PPFIBP2: variants seen among roughly 807,000 people sequenced by gnomAD.
The protein encoded by PPFIBP2 is liprin-beta-2.
A neutral mutation model predicts 118.3 loss-of-function variants in PPFIBP2; 118 were observed. The observed-to-expected ratio is 1.00, with a 90% CI of 0.86 to 1.16. The LOEUF is 1.16. PPFIBP2 is among the 50% of genes most tolerant of loss of function. PPFIBP2 has a pLI of 0.00. For synonymous variants in PPFIBP2, 414 were observed against 397.4 expected (o/e 1.04, Z -0.50); for missense variants, 1,195 against 1,073.1 (o/e 1.11, Z -1.59).
chr11:7,560,941 G>A (rs1286812634), intron 2 of PPFIBP2, among the ~76,000 whole-genome samples: 1 of 152,114 alleles, frequency 6.6e-6, no homozygotes, highest in African/African-American at 2.4e-5. Context: ...TTCCAGAACT[G>A]CCCATATAAG....
At chr11:7,554,157 C>G (rs976554101) in intron 2 of PPFIBP2, among the ~76,000 whole-genome samples, 1 of 152,206 alleles carries the variant, frequency 6.6e-6, no homozygotes, top group Non-Finnish European at 1.5e-5. Context: ...GCCACCACCA[C>G]TGCCAAAACA....
downstream of PPFIBP2, among the ~76,000 whole-genome samples, chr11:7,660,531 C>T (rs949935999): frequency 2.7e-5 from 4 of 149,688 alleles, no homozygotes; most frequent in Admixed American, 2.7e-4. Context: ...TTTTGATGTG[C>T]TGCTGGATTC....
At chr11:7,588,850 C>T (rs983050901) in intron 3 of PPFIBP2, among the ~76,000 whole-genome samples, 15 of 152,130 alleles carry the variant, frequency 9.9e-5, no homozygotes, top group African/African-American at 2.4e-4. Flanking sequence ...GATTCAGTTC[C>T]GTGATATAGG....
chr11:7,535,235 G>T (rs1006274001), intron 1 of PPFIBP2, among the ~76,000 whole-genome samples: 2 of 152,224 alleles, frequency 1.3e-5, no homozygotes, highest in South Asian at 4.1e-4. Flanking sequence ...CAACAGGCAG[G>T]GGTGGGGATG....
intron 3 of PPFIBP2, among the ~76,000 whole-genome samples, chr11:7,591,989 G>A (rs2135227132): frequency 6.6e-6 from 1 of 152,284 alleles, no homozygotes; most frequent in East Asian, 1.9e-4. Context: ...AATGGCCTAG[G>A]ACAAGGTGGC....
rs1860578473 is a variant in PPFIBP2 at position 7,597,556 on chromosome 11, A to T, written c.373-4A>T. On this transcript the variant is annotated splice_region_variant and splice_polypyrimidine_tract_variant and intron_variant, in intron 4 of 23. Transcript: ENST00000299492. ...CTCCACCATTGCTTTATTTCCTGGAACAGGTGAGTGTCCTCACAGACCAAG... is the reference window on the plus strand; with the variant it reads ...CTCCACCATTGCTTTATTTCCTGGATCAGGTGAGTGTCCTCACAGACCAAG... The T allele has an allele frequency of 6.2e-7, 1 of 1,612,290 alleles. No individual in the cohort carries two copies. The highest frequency in any genetic ancestry group is 8.5e-7 in the Non-Finnish European group (1 of 1,178,888).
the PPFIBP2 span, chr11:7,665,736 A>G: frequency 1.6e-6 from 2 of 1,241,250 alleles, no homozygotes; most frequent in South Asian, 1.5e-5. Flanking sequence ...CAATCACCCC[A>G]GGTCCCAGGC....
chr11:7,665,980 C>T, the PPFIBP2 span: 18 of 1,433,694 alleles, frequency 1.3e-5, no homozygotes, highest in South Asian at 9.8e-5. Flanking sequence ...GTGTGAGAGG[C>T]GCGCCTGTGG....
chr11:7,650,742 G>T, intron 21 of PPFIBP2, 98 bp from the exon 22 acceptor site: 2 of 1,333,490 alleles, frequency 1.5e-6, no homozygotes, highest in East Asian at 4.9e-5. Flanking sequence ...TTGTTGTGAT[G>T]CGTCTGGGGC....
intron 5 of PPFIBP2, among the ~76,000 whole-genome samples, chr11:7,600,266 G>T (rs1198822181): frequency 6.6e-6 from 1 of 152,202 alleles, no homozygotes; most frequent in African/African-American, 2.4e-5. Flanking sequence ...GGGCTGGGTG[G>T]CACCAGAGCT....
At chr11:7,532,255 C>T (rs1040577829) in intron 1 of PPFIBP2, among the ~76,000 whole-genome samples, 1 of 152,110 alleles carries the variant, frequency 6.6e-6, no homozygotes. Context: ...TGGATTAGGG[C>T]CCACCCTAAT....
chr11:7,559,054 G>T (rs1461046118), intron 2 of PPFIBP2, among the ~76,000 whole-genome samples: 2 of 152,126 alleles, frequency 1.3e-5, no homozygotes, highest in Non-Finnish European at 2.9e-5. Context: ...CAGGCATCTG[G>T]AGTTTGTAAA....
chr11:7,612,403 A>C (rs1169223338), intron 6 of PPFIBP2, among the ~76,000 whole-genome samples: 2 of 152,118 alleles, frequency 1.3e-5, no homozygotes, highest in African/African-American at 4.8e-5. Context: ...GGATCTGTGC[A>C]TGAGGGGTGG....
intron 14 of PPFIBP2, among the ~76,000 whole-genome samples, chr11:7,638,947 G>A (rs1295632793): frequency 2.0e-5 from 3 of 152,178 alleles, no homozygotes; most frequent in Admixed American, 1.3e-4. Flanking sequence ...GAGCTTTGTT[G>A]GCATGTAGTC....
At chr11:7,546,433 A>C (rs1852333331) in intron 1 of PPFIBP2, among the ~76,000 whole-genome samples, 1 of 151,948 alleles carries the variant, frequency 6.6e-6, no homozygotes, top group Admixed American at 6.6e-5. Flanking sequence ...CCAAGTACAA[A>C]CTCATCGCTG....
At chr11:7,577,320 C>CGTGT (rs148907232) in intron 3 of PPFIBP2, 21 of 219,796 alleles carry the variant, frequency 9.6e-5, no homozygotes, top group South Asian at 1.1e-4. Flanking sequence ...CATGTATGTG[C>CGTGT]GTGTGTGTGT....
rs111514650 is a variant in PPFIBP2 at position 7,597,919 on chromosome 11, T to G, written c.486+246T>G. On this transcript the variant is annotated intron_variant, in intron 5 of 23. Transcript: ENST00000299492. ...AACCTGCTGAGCTGGTTAGACAGAT[T>G]CCCAGACAGCACTTTCTCCAGACCT... The G allele has an allele frequency of 6.6e-3, 2,810 of 423,618 alleles. 67 individuals carry two copies. The highest frequency in any genetic ancestry group is 0.052 in the African/African-American group (2,588 of 50,080). 26.2% of individuals were successfully genotyped at this position (423,618 alleles called of 1,614,324 possible).
chr11:7,578,587 C>CT (rs952514913), intron 3 of PPFIBP2, among the ~76,000 whole-genome samples: 5 of 152,178 alleles, frequency 3.3e-5, no homozygotes, highest in Non-Finnish European at 7.3e-5. Context: ...GAACCAGCCT[C>CT]TTGTGGATCT....
chr11:7,615,985 G>A (rs947509521), intron 6 of PPFIBP2, among the ~76,000 whole-genome samples: 8 of 151,944 alleles, frequency 5.3e-5, no homozygotes, highest in African/African-American at 1.7e-4. Context: ...AGAGTTTAGA[G>A]GTCTCTTGAA....
Sources: allele counts gnomAD v4.1 joint callset (sites outside exome capture counted in the v4.1 genomes callset), GRCh38; gene constraint gnomAD v4.1.1; transcripts MANE v1.5; gene names NCBI Gene and HGNC (gene_info 2026-07-23, HGNC 2026-07-21).